The following SMAP1 variants were observed in gnomAD, a reference collection of about 807,000 sequenced individuals.
The protein encoded by SMAP1 is small ArfGAP 1, also known as stromal membrane-associated protein 1.
Under a neutral mutation model 58.5 loss-of-function variants are expected in SMAP1, and 24 were observed. The ratio of observed to expected loss-of-function variants is 0.41; its 90% confidence interval spans 0.30 to 0.58. The LOEUF is 0.58. SMAP1 is among the 20% of genes least tolerant of loss of function. The pLI, the probability that SMAP1 is intolerant of heterozygous loss-of-function variation, is 0.29. For missense variants in SMAP1, 563 were observed against 566.3 expected (o/e 0.99, Z 0.06); for synonymous variants, 216 against 196.6 (o/e 1.10, Z -0.82).
At chr6:70,790,074 G>A (rs541427877) in intron 4 of SMAP1, among the ~76,000 whole-genome samples, 135 of 152,276 alleles carry the variant, frequency 8.9e-4, no homozygotes, top group South Asian at 4.4e-3. Flanking sequence ...CACTTTTCAT[G>A]AGCTTGGGCA....
chr6:70,671,326 A>G (rs1766256055), intron 1 of SMAP1, among the ~76,000 whole-genome samples: 1 of 152,118 alleles, frequency 6.6e-6, no homozygotes, highest in Non-Finnish European at 1.5e-5. Flanking sequence ...GACATGTCCC[A>G]TGCTTGTTAA....
At chr6:70,771,824 A>C (rs1034324013) in intron 3 of SMAP1, among the ~76,000 whole-genome samples, 4 of 152,110 alleles carry the variant, frequency 2.6e-5, no homozygotes, top group African/African-American at 7.2e-5. Flanking sequence ...GAAATGCAGA[A>C]ATCACCCATC....
At chr6:70,777,833 A>G (rs1040762559) in intron 4 of SMAP1, among the ~76,000 whole-genome samples, 2 of 151,072 alleles carry the variant, frequency 1.3e-5, no homozygotes, top group African/African-American at 4.9e-5. Context: ...GCTCCCTGCA[A>G]CCTCCGCCTC....
chr6:70,704,691 A>G (rs970079839), intron 1 of SMAP1, among the ~76,000 whole-genome samples: 7 of 152,242 alleles, frequency 4.6e-5, no homozygotes, highest in African/African-American at 1.7e-4. Flanking sequence ...TTATATAGCA[A>G]TTTTCATTGT....
chr6:70,707,883 A>G (rs1444323545), intron 1 of SMAP1, among the ~76,000 whole-genome samples: 1 of 152,192 alleles, frequency 6.6e-6, no homozygotes, highest in East Asian at 1.9e-4. Flanking sequence ...ATTTTGATAC[A>G]CATATATAGT....
At chr6:70,783,443 C>G (rs992958398) in intron 4 of SMAP1, among the ~76,000 whole-genome samples, 14 of 152,306 alleles carry the variant, frequency 9.2e-5, no homozygotes, top group African/African-American at 2.6e-4. Flanking sequence ...CGGAACAATG[C>G]TGGACAGAGA....
At chr6:70,859,203 C>T (rs75905553) in intron 10 of SMAP1, 19 of 602,724 alleles carry the variant, frequency 3.2e-5, no homozygotes, top group Middle Eastern at 2.6e-4. Flanking sequence ...GGTCTCTACC[C>T]GCTGGGAATC....
intron 1 of SMAP1, among the ~76,000 whole-genome samples, chr6:70,686,909 C>T (rs1766958365): frequency 6.6e-6 from 1 of 152,078 alleles, no homozygotes; most frequent in South Asian, 2.1e-4. Flanking sequence ...ATTATTCTGC[C>T]CAAAATGCCA....
rs773616693 is a variant in SMAP1 at position 70,861,704 on chromosome 6, C to T, written c.*1370C>T. Reference sequence around the variant, plus strand: ...ACTGTGTCCAGGTGGTACTTTGGCTCGTTGGCTAGATTAACCTTCTCTGTC... The same window carrying T: ...ACTGTGTCCAGGTGGTACTTTGGCTTGTTGGCTAGATTAACCTTCTCTGTC... On this transcript the variant is annotated 3_prime_UTR_variant, in exon 11 of 11. Transcript: ENST00000370455. 3.1e-6 allele frequency: 5 copies of T among 1,613,970 alleles called. No homozygotes were observed. The highest frequency in any genetic ancestry group is 3.4e-6 in the Non-Finnish European group (4 of 1,179,986).
intron 6 of SMAP1, among the ~76,000 whole-genome samples, chr6:70,817,056 T>G (rs1388228490): frequency 6.6e-6 from 1 of 151,462 alleles, no homozygotes; most frequent in Middle Eastern, 3.2e-3. Context: ...TCGGTAGATT[T>G]TAGTGACAGG....
At chr6:70,708,215 A>G (rs943662226) in intron 1 of SMAP1, among the ~76,000 whole-genome samples, 1 of 152,086 alleles carries the variant, frequency 6.6e-6, no homozygotes, top group African/African-American at 2.4e-5. Context: ...AGATTATACA[A>G]TATTTTTCTT....
intron 1 of SMAP1, among the ~76,000 whole-genome samples, chr6:70,680,711 T>A (rs1164540212): frequency 1.7e-5 from 2 of 120,770 alleles, no homozygotes; most frequent in Non-Finnish European, 1.7e-5. Flanking sequence ...ATGGATTTCC[T>A]GTTTTTTTTT....
chr6:70,781,062 A>C (rs1767742920), intron 4 of SMAP1, among the ~76,000 whole-genome samples: 1 of 152,168 alleles, frequency 6.6e-6, no homozygotes, highest in African/African-American at 2.4e-5. Context: ...TAATTATAAG[A>C]GTTTATATCA....
chr6:70,796,420 T>C (rs1341200230), intron 5 of SMAP1, among the ~76,000 whole-genome samples: 1 of 152,214 alleles, frequency 6.6e-6, no homozygotes, highest in African/African-American at 2.4e-5. Context: ...TGTTTCTTCA[T>C]TTGTAAGATG....
At chr6:70,787,615 C>G (rs1390772875) in intron 4 of SMAP1, among the ~76,000 whole-genome samples, 1 of 152,064 alleles carries the variant, frequency 6.6e-6, no homozygotes, top group Non-Finnish European at 1.5e-5. Flanking sequence ...AAAAAACAAA[C>G]AACCCCATCA....
At chr6:70,832,575 G>T (rs544864551) in intron 6 of SMAP1, among the ~76,000 whole-genome samples, 1 of 152,252 alleles carries the variant, frequency 6.6e-6, no homozygotes, top group Admixed American at 6.5e-5. Flanking sequence ...GAATAGCACA[G>T]ACTCATTTAT....
At chr6:70,857,292 G>A (rs1169325044) in intron 9 of SMAP1, 1 of 282,062 alleles carries the variant, frequency 3.5e-6, no homozygotes, top group Non-Finnish European at 6.6e-6. Context: ...TATAGAACAT[G>A]GATTATCTTT....
chr6:70,806,164 T>A (rs924537572), intron 6 of SMAP1, among the ~76,000 whole-genome samples: 8 of 152,184 alleles, frequency 5.3e-5, no homozygotes, highest in Non-Finnish European at 1.0e-4. Context: ...TGGGCTCCGC[T>A]AAGTTTGAGC....
chr6:70,821,746 A>G (rs1409413970), intron 6 of SMAP1, among the ~76,000 whole-genome samples: 1 of 152,184 alleles, frequency 6.6e-6, no homozygotes, highest in African/African-American at 2.4e-5. Context: ...ATAACCATTT[A>G]CTACAATGCC....
Sources: gnomAD v4.1 joint callset for allele counts (sites outside exome capture counted in the v4.1 genomes callset) on GRCh38, gnomAD v4.1.1 for gene constraint, MANE v1.5 for transcripts, NCBI Gene and HGNC (gene_info 2026-07-23, HGNC 2026-07-21) for gene names.